NAALADL2: variants seen among roughly 807,000 people sequenced by gnomAD.
The protein encoded by NAALADL2 is N-acetylated alpha-linked acidic dipeptidase like 2.
Under a neutral mutation model 87.2 loss-of-function variants are expected in NAALADL2, and 76 were observed. That is an observed-to-expected ratio of 0.87 (90% confidence interval 0.72 to 1.05). The LOEUF is 1.05. NAALADL2 is among the 50% of genes least tolerant of loss of function. The probability of loss-of-function intolerance (pLI) is 0.00; values close to 1 mark genes in which losing one functional copy is unlikely to be tolerated. For synonymous variants in NAALADL2, 354 were observed against 331.0 expected (o/e 1.07, Z -0.75); for missense variants, 1,089 against 945.8 (o/e 1.15, Z -1.99).
intron 10 of NAALADL2, among the ~76,000 whole-genome samples, chr3:175,595,445 T>A (rs1261857742): frequency 1.3e-5 from 2 of 152,002 alleles, no homozygotes; most frequent in Non-Finnish European, 2.9e-5. Context: ...AGTCAAAATA[T>A]CTCTCTTAGC....
chr3:175,453,550 T>C (rs958782662), intron 6 of NAALADL2, among the ~76,000 whole-genome samples: 2 of 152,176 alleles, frequency 1.3e-5, no homozygotes, highest in East Asian at 1.9e-4. Flanking sequence ...GACTCTGTCA[T>C]GCATTTGGCA....
chr3:175,168,688 CTGTT>C (rs1227301750), intron 2 of NAALADL2, among the ~76,000 whole-genome samples: 2 of 151,258 alleles, frequency 1.3e-5, no homozygotes, highest in South Asian at 2.1e-4. Context: ...TTTTATTTTT[CTGTT>C]TGTTCTAATG....
At chr3:175,248,791 GTAT>G (rs1457949319) in intron 3 of NAALADL2, among the ~76,000 whole-genome samples, 2 of 152,064 alleles carry the variant, frequency 1.3e-5, no homozygotes, top group African/African-American at 2.4e-5. Context: ...TATCCATATA[GTAT>G]TATTATATGA....
At chr3:175,697,861 ATATG>A (rs780467808) in intron 11 of NAALADL2, among the ~76,000 whole-genome samples, 10,637 of 97,148 alleles carry the variant, frequency 0.11, 734 homozygotes, top group African/African-American at 0.15. Flanking sequence ...ATATGTGTAT[ATATG>A]TATGTATACA....
chr3:175,016,277 A>ATATG (rs60595167), intron 1 of NAALADL2, among the ~76,000 whole-genome samples: 2 of 147,822 alleles, frequency 1.4e-5, no homozygotes, highest in Non-Finnish European at 3.0e-5. Context: ...ATATATATAT[A>ATATG]AAAAACAATA....
chr3:175,097,003 C>A lies in NAALADL2; in HGVS notation c.257C>A (p.Ser86Tyr), dbSNP rs759833088. Residue 86 changes from serine (S) to tyrosine (Y), a missense_variant, in exon 2 of 14, where the codon TCC becomes TAC. Coordinates refer to ENST00000454872, the MANE Select transcript of NAALADL2 (RefSeq NM_207015.3). ...GAGACTATAGACCTCAATCTTGATTCCATTCAACCAGCAACTTCACCCAAA... is the reference window on the plus strand; with the variant it reads ...GAGACTATAGACCTCAATCTTGATTACATTCAACCAGCAACTTCACCCAAA... ...HSETIDLNLD[S>Y]IQPATSPKGR... is the part of the protein sequence containing the mutation. 11 of 1,613,342 alleles carry A rather than the reference C, an allele frequency of 6.8e-6. No individual in the cohort carries two copies. The highest frequency in any genetic ancestry group is 1.3e-5 in the African/African-American group (1 of 74,884).
Position 175,028,095 on chromosome 3 carries a change from T to C in NAALADL2, c.44-68695T>C, listed in dbSNP as rs142473878. 2.8e-3 allele frequency among the ~76,000 whole-genome samples: 422 copies of C among 152,130 alleles called. 1 individual carries two copies. In the Middle Eastern group the frequency reaches 0.037, roughly 13 times the overall value. On this transcript the variant is annotated intron_variant, in intron 1 of 13. Coordinates refer to ENST00000454872, the MANE Select transcript of NAALADL2 (RefSeq NM_207015.3). ...ATCAGCAAGGAGAACAGCTATCCCT[T>C]AACAGGAGTAAAAGGTTTCCTACGC...
At chr3:175,001,768 C>T (rs1748265070) in intron 1 of NAALADL2, among the ~76,000 whole-genome samples, 1 of 152,032 alleles carries the variant, frequency 6.6e-6, no homozygotes, top group Non-Finnish European at 1.5e-5. Flanking sequence ...TAAATTTGTT[C>T]ATCAGAATAT....
chr3:174,463,815 T>A (rs1043330158), intron 1 of NAALADL2, among the ~76,000 whole-genome samples: 2 of 152,120 alleles, frequency 1.3e-5, no homozygotes, highest in African/African-American at 4.8e-5. Context: ...TTAGCCAGGA[T>A]GGTCTTGATC....
chr3:175,568,358 T>C (rs1488700290), intron 9 of NAALADL2, among the ~76,000 whole-genome samples: 1 of 152,088 alleles, frequency 6.6e-6, no homozygotes, highest in African/African-American at 2.4e-5. Context: ...AGTAAATAAG[T>C]ATTGAAGAAA....
At chr3:174,996,279 C>T (rs943578238) in intron 1 of NAALADL2, among the ~76,000 whole-genome samples, 2 of 152,066 alleles carry the variant, frequency 1.3e-5, no homozygotes, top group African/African-American at 2.4e-5. Flanking sequence ...AGGCAGATCA[C>T]GAGGTCAGGA....
chr3:175,324,831 G>T (rs1760483975), intron 5 of NAALADL2, among the ~76,000 whole-genome samples: 1 of 152,194 alleles, frequency 6.6e-6, no homozygotes, highest in Admixed American at 6.5e-5. Flanking sequence ...GGACCTCATT[G>T]TTTTGGCCAA....
At chr3:175,759,389 G>A (rs540906970) in intron 13 of NAALADL2, among the ~76,000 whole-genome samples, 26 of 144,006 alleles carry the variant, frequency 1.8e-4, no homozygotes, top group South Asian at 4.3e-4. Context: ...ATGGAGTCTC[G>A]CTCTGTCGCC....
At chr3:175,782,892 AG>A in intron 13 of NAALADL2, among the ~76,000 whole-genome samples, 1 of 147,294 alleles carries the variant, frequency 6.8e-6, no homozygotes, top group East Asian at 2.0e-4. Flanking sequence ...ATAAGGTGTA[AG>A]GAAGGGATCC....
chr3:174,566,603 C>T (rs1268821260), intron 2 of NAALADL2, among the ~76,000 whole-genome samples: 1 of 151,640 alleles, frequency 6.6e-6, no homozygotes, highest in African/African-American at 2.4e-5. Context: ...TTAAAGTTAT[C>T]TTAGCTTCCC....
intron 2 of NAALADL2, among the ~76,000 whole-genome samples, chr3:174,712,404 T>TTC (rs1730736594): frequency 6.9e-6 from 1 of 144,462 alleles, no homozygotes; most frequent in African/African-American, 2.6e-5. Context: ...TTTTTTTTTT[T>TTC]TGAGACAGAG....
At chr3:175,076,057 G>C (rs955280214) in intron 1 of NAALADL2, among the ~76,000 whole-genome samples, 3 of 151,856 alleles carry the variant, frequency 2.0e-5, no homozygotes, top group African/African-American at 7.3e-5. Flanking sequence ...GCAAAATTCC[G>C]TCTCTACTAA....
chr3:174,937,518 G>A (rs1486237066), intron 1 of NAALADL2, among the ~76,000 whole-genome samples: 1 of 151,952 alleles, frequency 6.6e-6, no homozygotes, highest in Admixed American at 6.6e-5. Context: ...AGAAGGAAAT[G>A]ACAAAAATAA....
chr3:174,699,553 T>A (rs1515623), intron 2 of NAALADL2, among the ~76,000 whole-genome samples: 32,691 of 150,812 alleles, frequency 0.22, 5,115 homozygotes, highest in East Asian at 0.48. Flanking sequence ...TTTGACCAAT[T>A]ATATTTTATT....
Sources: allele counts gnomAD v4.1 joint callset (sites outside exome capture counted in the v4.1 genomes callset), GRCh38; gene constraint gnomAD v4.1.1; transcripts MANE v1.5; gene names NCBI Gene and HGNC (gene_info 2026-07-23, HGNC 2026-07-21).